Variants in TUBA1A observed in about 807,000 individuals in gnomAD.
TUBA1A encodes tubulin alpha-1A chain.
Under a neutral mutation model 34.6 loss-of-function variants are expected in TUBA1A, and 7 were observed. The ratio of observed to expected loss-of-function variants is 0.20; its 90% confidence interval spans 0.11 to 0.38. The LOEUF is 0.38. Ranked by LOEUF, TUBA1A falls within the 10% of genes least tolerant of loss-of-function variation. The pLI is 1.00. For missense variants in TUBA1A, 19 were observed against 581.3 expected (o/e 0.03, Z 9.95); for synonymous variants, 193 against 210.2 (o/e 0.92, Z 0.71).
At chr12:49,187,192 T>G in intron 1 of TUBA1A, 1 of 1,152,950 alleles carries the variant, frequency 8.7e-7, no homozygotes, top group Non-Finnish European at 1.1e-6. Flanking sequence ...ATTTTACTGC[T>G]TTCTTCCCTT....
Position 49,188,935 on chromosome 12 carries a change from G to A in TUBA1A, c.3+42C>T. On this transcript the variant is annotated intron_variant, in intron 1 of 3. Transcript: ENST00000301071. The surrounding 1 kb of genome is among the most constrained non-coding windows in gnomAD (Gnocchi z 4.9). ...TTTCCAAGTAGAGCCTGGGGGCGCT[G>A]ACTCCACCCAACGGCCACAAAGAGC... 3 of 1,614,176 alleles carry A rather than the reference G, an allele frequency of 1.9e-6. No individual in the cohort carries two copies. Among genetic ancestry groups the A allele is most frequent in the Non-Finnish European group, 2.5e-6 (3 of 1,180,046 alleles).
chr12:49,188,113 C>CA lies in TUBA1A; in HGVS notation c.3+863_3+864insT, dbSNP rs59409458. ...ACACACACACACACACACACACACA[C>CA]TTCAGTCGGTCAGGGCAGGGCGTCC... On this transcript the variant is annotated intron_variant, in intron 1 of 3. Coordinates refer to ENST00000301071, the MANE Select transcript of TUBA1A (RefSeq NM_006009.4). This position sits in a 1 kb window ranked among gnomAD's most constrained non-coding sequence, Gnocchi z 4.9. 15 of 981,988 alleles carry CA rather than the reference C, an allele frequency of 1.5e-5. No individual in the cohort carries two copies. Among genetic ancestry groups the CA allele is most frequent in the African/African-American group, 3.6e-5 (2 of 55,730 alleles). The allele number at this position is 981,988 out of a possible 1,614,324, so 60.8% of individuals were successfully genotyped here. A position where few individuals can be genotyped will look rare whatever the true frequency, so the allele number is the denominator to read the frequency against.
Position 49,186,211 on chromosome 12 carries a change from T to C in TUBA1A, c.375+99A>G. ...AAAGAATGACTCATTCCACTCTTTA[T>C]TAAAATAACAGTTCAATTCTGTGTT... On this transcript the variant is annotated intron_variant, in intron 3 of 3. Transcript: ENST00000301071. The surrounding 1 kb of genome is among the most constrained non-coding windows in gnomAD (Gnocchi z 6.6). 6.2e-7 allele frequency: 1 copy of C among 1,609,442 alleles called. No homozygotes were observed. Among genetic ancestry groups the C allele is most frequent in the Non-Finnish European group, 8.5e-7 (1 of 1,178,102 alleles).
In TUBA1A at chr12:49,185,862, C is replaced by T. The variant is rs760653068; in HGVS notation, c.504G>A (p.Glu168=). 6.2e-7 allele frequency: 1 copy of T among 1,614,020 alleles called. No homozygotes were observed. The highest frequency in any genetic ancestry group is 8.5e-7 in the Non-Finnish European group (1 of 1,180,012). ...SVDYGKKSKL[E]FSIYPAPQVS... is the part of the protein sequence containing the mutation. ...CCTGGGGCGCCGGGTAAATAGAGAACTCCAGCTTGGACTTCTTGCCATAAT... is the reference window on the plus strand; with the variant it reads ...CCTGGGGCGCCGGGTAAATAGAGAATTCCAGCTTGGACTTCTTGCCATAAT... The change falls in exon 4 of 4, where the codon GAG becomes GAA. Residue 168 remains glutamate (E), a synonymous_variant. Transcript: ENST00000301071.
In TUBA1A at chr12:49,189,050, A is replaced by T; in HGVS notation, c.-71T>A. ...AGAGGTTGTTGCTTCTTACAGCGCG[A>T]CTCTTAGGCGGTCGATGTAAGAGAA... On this transcript the variant is annotated 5_prime_UTR_variant, in exon 1 of 4. Coordinates refer to ENST00000301071, the MANE Select transcript of TUBA1A (RefSeq NM_006009.4). 1.2e-6 allele frequency: 2 copies of T among 1,603,676 alleles called. No individual in the cohort carries two copies. Among genetic ancestry groups the T allele is most frequent in the South Asian group, 2.2e-5 (2 of 90,890 alleles).
At chr12:49,187,879 C>A (rs190694515) in intron 1 of TUBA1A, 1 of 834,158 alleles carries the variant, frequency 1.2e-6, no homozygotes, top group African/African-American at 2.4e-5. Context: ...CTACCACTTT[C>A]ATTGTCTATT....
Position 49,189,008 on chromosome 12 carries a change from T to C in TUBA1A, c.-29A>G. The C allele has an allele frequency of 6.2e-7, 1 of 1,614,168 alleles. No individual in the cohort carries two copies. Among genetic ancestry groups the C allele is most frequent in the Non-Finnish European group, 8.5e-7 (1 of 1,179,996 alleles). On this transcript the variant is annotated 5_prime_UTR_variant, in exon 1 of 4. Coordinates refer to ENST00000301071, the MANE Select transcript of TUBA1A (RefSeq NM_006009.4). Reference sequence around the variant, plus strand: ...TGCTGCTTCGCGACTGCCGAGCTGATGGCGGAGACGAAGAGGAGAGGTTGT... The same window carrying C: ...TGCTGCTTCGCGACTGCCGAGCTGACGGCGGAGACGAAGAGGAGAGGTTGT...
chr12:49,188,466 C>T lies in TUBA1A; in HGVS notation c.3+511G>A. 2.6e-6 allele frequency: 4 copies of T among 1,535,548 alleles called. No homozygotes were observed. The highest frequency in any genetic ancestry group is 3.5e-6 in the Non-Finnish European group (4 of 1,146,540). ...TATCTTTCCAAAACGCCAAAGACCG[C>T]GGAGGGTCTTCCCACGCTAACCCTA... On this transcript the variant is annotated intron_variant, in intron 1 of 3. Transcript: ENST00000301071. This position sits in a 1 kb window ranked among gnomAD's most constrained non-coding sequence, Gnocchi z 4.9.
intron 1 of TUBA1A, chr12:49,187,165 T>A: frequency 8.3e-7 from 1 of 1,199,482 alleles, no homozygotes; most frequent in Non-Finnish European, 1.0e-6. Context: ...AATCCAATTA[T>A]GACTTAATTG....
chr12:49,184,890 G>C lies in TUBA1A; in HGVS notation c.*120C>G. On this transcript the variant is annotated 3_prime_UTR_variant, in exon 4 of 4. Coordinates refer to ENST00000301071, the MANE Select transcript of TUBA1A (RefSeq NM_006009.4). ...CATTCATGTTTTAGAGCATAGGTCA[G>C]TAATTGTATATGAGAGCATACACTG... 1.3e-6 allele frequency: 2 copies of C among 1,517,836 alleles called. No homozygotes were observed. Among genetic ancestry groups the C allele is most frequent in the Non-Finnish European group, 1.8e-6 (2 of 1,095,482 alleles). 94.0% of individuals were successfully genotyped at this position (1,517,836 alleles called of 1,614,324 possible). A position where few individuals can be genotyped will look rare whatever the true frequency, so the allele number is the denominator to read the frequency against.
chr12:49,186,908 AT>A lies in TUBA1A; in HGVS notation c.4-76del. ...TTCAAACTTATAGGAAATTTCAAAAATATTTCTAATAATATACAGATATTTT... is the reference window on the plus strand; with the variant it reads ...TTCAAACTTATAGGAAATTTCAAAAAATTTCTAATAATATACAGATATTTT... On this transcript the variant is annotated intron_variant, in intron 1 of 3. Coordinates refer to ENST00000301071, the MANE Select transcript of TUBA1A (RefSeq NM_006009.4). This position sits in a 1 kb window ranked among gnomAD's most constrained non-coding sequence, Gnocchi z 6.6. 1.9e-6 allele frequency: 3 copies of A among 1,570,730 alleles called. No individual in the cohort carries two copies. The South Asian group carries it at 3.4e-5, about 18-fold the overall frequency.
chr12:49,186,947 G>T lies in TUBA1A; in HGVS notation c.4-114C>A. ...ATACAGATATTTTTCTAAATTATTT[G>T]AGGTCATATCCCCAGCACGATACAA... On this transcript the variant is annotated intron_variant, in intron 1 of 3. Coordinates refer to ENST00000301071, the MANE Select transcript of TUBA1A (RefSeq NM_006009.4). The surrounding 1 kb of genome is among the most constrained non-coding windows in gnomAD (Gnocchi z 6.6). The T allele has an allele frequency of 6.6e-7, 1 of 1,525,948 alleles. No individual in the cohort carries two copies. Among genetic ancestry groups the T allele is most frequent in the African/African-American group, 1.4e-5 (1 of 72,174 alleles). The allele number at this position is 1,525,948 out of a possible 1,614,324, so 94.5% of individuals were successfully genotyped here. A position where few individuals can be genotyped will look rare whatever the true frequency, so the allele number is the denominator to read the frequency against.
chr12:49,186,008 A>G lies in TUBA1A; in HGVS notation c.376-18T>C, dbSNP rs1488834556. The G allele has an allele frequency of 6.2e-7, 1 of 1,614,088 alleles. No homozygotes were observed. Among genetic ancestry groups the G allele is most frequent in the South Asian group, 1.1e-5 (1 of 91,078 alleles). On this transcript the variant is annotated intron_variant, in intron 3 of 3. Coordinates refer to ENST00000301071, the MANE Select transcript of TUBA1A (RefSeq NM_006009.4). This position sits in a 1 kb window ranked among gnomAD's most constrained non-coding sequence, Gnocchi z 6.6. The stretch of plus-strand genomic sequence containing the variant: ...TGGTCGGCCTATAACAAAAGAGAGG[A>G]ACAGAGGAAAGGTTAAGTTTTTATT...
intron 1 of TUBA1A, chr12:49,187,877 T>G: frequency 3.1e-6 from 3 of 982,522 alleles, no homozygotes; most frequent in Non-Finnish European, 3.6e-6. Context: ...GGCTACCACT[T>G]TCATTGTCTA....
In TUBA1A at chr12:49,186,189, G is replaced by C; in HGVS notation, c.375+121C>G. Reference sequence around the variant, plus strand: ...TAACTGAATTTTAAAAACCCCAAAAGAATGACTCATTCCACTCTTTATTAA... The same window carrying C: ...TAACTGAATTTTAAAAACCCCAAAACAATGACTCATTCCACTCTTTATTAA... On this transcript the variant is annotated intron_variant, in intron 3 of 3. Coordinates refer to ENST00000301071, the MANE Select transcript of TUBA1A (RefSeq NM_006009.4). The surrounding 1 kb of genome is among the most constrained non-coding windows in gnomAD (Gnocchi z 6.6). 27 of 1,595,614 alleles carry C rather than the reference G, an allele frequency of 1.7e-5. 1 individual carries two copies. In the South Asian group the frequency reaches 3.0e-4, roughly 18 times the overall value.
Position 49,186,669 on chromosome 12 carries a change from C to T in TUBA1A, c.168G>A (p.Thr56=), listed in dbSNP as rs1215478236. ...CCCGGGGCACATGCTTGCCAGCCCC[C>T]GTCTCACTGAAGAAGGTGTTGAAGG... The part of the protein sequence containing the change: ...DDSFNTFFSE[T]GAGKHVPRAV... The change falls in exon 2 of 4, where the codon ACG becomes ACA. Residue 56 remains threonine, a synonymous_variant. Transcript: ENST00000301071. This position sits in a 1 kb window ranked among gnomAD's most constrained non-coding sequence, Gnocchi z 6.6. 1.4e-5 allele frequency: 23 copies of T among 1,614,030 alleles called. No homozygotes were observed. The highest frequency in any genetic ancestry group is 4.5e-5 in the East Asian group (2 of 44,898).
rs1942202144 is a variant in TUBA1A, at chr12:49,188,014, A to G, written c.3+963T>C. 7.1e-6 allele frequency: 7 copies of G among 980,458 alleles called. No homozygotes were observed. In the South Asian group the frequency reaches 1.9e-4, roughly 27 times the overall value. The allele number at this position is 980,458 out of a possible 1,614,324, so 60.7% of individuals were successfully genotyped here. A position where few individuals can be genotyped will look rare whatever the true frequency, so the allele number is the denominator to read the frequency against. ...CCCTCGCTGAACGTGCAGTCCAGAC[A>G]GACAGACAGACACACACACACACAC... On this transcript the variant is annotated intron_variant, in intron 1 of 3. Coordinates refer to ENST00000301071, the MANE Select transcript of TUBA1A (RefSeq NM_006009.4). The surrounding 1 kb of genome is among the most constrained non-coding windows in gnomAD (Gnocchi z 4.9).
intron 1 of TUBA1A, chr12:49,187,991 C>T (rs1401596679): frequency 2.0e-6 from 2 of 983,538 alleles, no homozygotes; most frequent in African/African-American, 1.8e-5. Context: ...GGCTTTCTCC[C>T]TCGCTGAACG....
At position 49,186,105 on chromosome 12, in the gene TUBA1A, C is replaced by T. The variant is rs1419192186; in HGVS notation, c.376-115G>A. On this transcript the variant is annotated intron_variant, in intron 3 of 3. Coordinates refer to ENST00000301071, the MANE Select transcript of TUBA1A (RefSeq NM_006009.4). The surrounding 1 kb of genome is among the most constrained non-coding windows in gnomAD (Gnocchi z 6.6). ...TTCCAGGACTTAGATCTTATTTTGA[C>T]AAATGCTTTTTAAAAAATTCTCATT... 8 of 1,526,034 alleles carry T rather than the reference C, an allele frequency of 5.2e-6. No individual in the cohort carries two copies. The highest frequency in any genetic ancestry group is 6.2e-6 in the Non-Finnish European group (7 of 1,134,248). The allele number at this position is 1,526,034 out of a possible 1,614,324, so 94.5% of individuals were successfully genotyped here.
Sources: gnomAD v4.1 joint callset for allele counts on GRCh38, gnomAD v4.1.1 for gene constraint, Gnocchi (gnomAD v3.1) non-coding constraint, MANE v1.5 for transcripts, NCBI Gene and HGNC (gene_info 2026-07-23, HGNC 2026-07-21) for gene names.